Variants in ADCY2 observed in about 807,000 individuals in gnomAD.
The protein encoded by ADCY2 is adenylate cyclase type 2.
In ADCY2, 31 loss-of-function variants were observed where a neutral mutation model predicts 125.2. The ratio of observed to expected loss-of-function variants is 0.25; its 90% CI spans 0.19 to 0.33. The LOEUF is 0.33. Among genes scored for constraint, ADCY2 ranks in the 10% least tolerant of loss-of-function variants. The pLI is 1.00. For synonymous variants in ADCY2, 512 were observed against 548.4 expected (o/e 0.93, Z 0.93); for missense variants, 904 against 1,418.2 (o/e 0.64, Z 5.82).
At chr5:7,407,490 C>A (rs777229974) in intron 1 of ADCY2, among the ~76,000 whole-genome samples, 8 of 151,774 alleles carry the variant, frequency 5.3e-5, no homozygotes, top group African/African-American at 9.7e-5. Flanking sequence ...AGAGAGAGAG[C>A]GAGCAATGGG....
At chr5:7,759,069 G>C (rs1255181833) in intron 16 of ADCY2, among the ~76,000 whole-genome samples, 1 of 152,196 alleles carries the variant, frequency 6.6e-6, no homozygotes. Flanking sequence ...CCATCGCTTT[G>C]TGTAGCCTGG....
chr5:7,466,415 C>T (rs1372236376), intron 2 of ADCY2, among the ~76,000 whole-genome samples: 1 of 152,188 alleles, frequency 6.6e-6, no homozygotes. Flanking sequence ...ATTTCAGCAG[C>T]TCTAGTGAGA....
At chr5:7,764,412 G>C (rs1212218860) in intron 16 of ADCY2, among the ~76,000 whole-genome samples, 1 of 152,120 alleles carries the variant, frequency 6.6e-6, no homozygotes, top group Non-Finnish European at 1.5e-5. Context: ...ATATAAATCT[G>C]TGAGCCACCC....
chr5:7,621,478 T>G (rs1737951159), intron 3 of ADCY2, among the ~76,000 whole-genome samples: 1 of 152,190 alleles, frequency 6.6e-6, no homozygotes, highest in Non-Finnish European at 1.5e-5. Flanking sequence ...TCTGACTGTA[T>G]GCGTATGAAT....
chr5:7,743,342 C>T (rs980691280), intron 14 of ADCY2, among the ~76,000 whole-genome samples: 17 of 151,796 alleles, frequency 1.1e-4, no homozygotes, highest in African/African-American at 3.9e-4. Context: ...AAGAGGCCAC[C>T]GAGATGGGGG....
At chr5:7,686,392 G>A (rs1740522295) in intron 4 of ADCY2, among the ~76,000 whole-genome samples, 1 of 152,136 alleles carries the variant, frequency 6.6e-6, no homozygotes, top group Non-Finnish European at 1.5e-5. Context: ...AAAAGAACAA[G>A]TTCTAAGAAA....
chr5:7,540,261 C>T (rs957862497), intron 3 of ADCY2, among the ~76,000 whole-genome samples: 7 of 151,232 alleles, frequency 4.6e-5, no homozygotes, highest in Admixed American at 3.3e-4. Flanking sequence ...ATCTGCACAA[C>T]AAACCCGCAT....
At chr5:7,506,789 C>CTTTTTT (rs70940743) in intron 2 of ADCY2, among the ~76,000 whole-genome samples, 735 of 55,076 alleles carry the variant, frequency 0.013, 112 homozygotes, top group Non-Finnish European at 0.02. Context: ...ATGCGTTGCT[C>CTTTTTT]TTTTTTTTTT....
chr5:7,524,856 A>G (rs1437212043), intron 3 of ADCY2, among the ~76,000 whole-genome samples: 1 of 152,126 alleles, frequency 6.6e-6, no homozygotes, highest in Non-Finnish European at 1.5e-5. Context: ...TTTCCTCTTT[A>G]TAATTAAGAC....
chr5:7,741,858 CATCCCTATCAATATCACCATCACT>C (rs1560931992), intron 14 of ADCY2, among the ~76,000 whole-genome samples: 1 of 151,914 alleles, frequency 6.6e-6, no homozygotes, highest in Non-Finnish European at 1.5e-5. Flanking sequence ...TCACCATCAC[CATCCCTATCAATATCACCATCACT>C]ATCCCTGTCA....
At chr5:7,812,091 A>G (rs192641784) in intron 22 of ADCY2, among the ~76,000 whole-genome samples, 33 of 152,280 alleles carry the variant, frequency 2.2e-4, no homozygotes, top group Admixed American at 1.9e-3. Flanking sequence ...CCAGAGAGGA[A>G]GCTAGGAGTC....
intron 4 of ADCY2, among the ~76,000 whole-genome samples, chr5:7,673,265 A>AT (rs1579301434): frequency 2.5e-4 from 1 of 3,976 alleles, no homozygotes; most frequent in Non-Finnish European, 6.8e-4. Context: ...AAAAAAAAAA[A>AT]AAAAATATAT....
At chr5:7,587,344 T>C (rs1343073783) in intron 3 of ADCY2, among the ~76,000 whole-genome samples, 1 of 152,230 alleles carries the variant, frequency 6.6e-6, no homozygotes, top group Non-Finnish European at 1.5e-5. Flanking sequence ...GTCATGAGTT[T>C]GATCTATTTA....
At chr5:7,788,808 A>G (rs1744163167) in intron 19 of ADCY2, among the ~76,000 whole-genome samples, 1 of 152,196 alleles carries the variant, frequency 6.6e-6, no homozygotes, top group Non-Finnish European at 1.5e-5. Flanking sequence ...TTATTTGTCA[A>G]TAAGTGACTA....
intron 2 of ADCY2, among the ~76,000 whole-genome samples, chr5:7,421,175 C>T (rs1186850031): frequency 1.3e-5 from 2 of 152,162 alleles, no homozygotes; most frequent in African/African-American, 4.8e-5. Context: ...AGTCATTTGT[C>T]CCATGGGTAG....
At chr5:7,540,443 A>G (rs948448782) in intron 3 of ADCY2, among the ~76,000 whole-genome samples, 2 of 152,278 alleles carry the variant, frequency 1.3e-5, no homozygotes, top group African/African-American at 4.8e-5. Context: ...TAAGATTTTT[A>G]TCCTTTTTCC....
At chr5:7,637,282 C>A (rs1315561873) in intron 4 of ADCY2, among the ~76,000 whole-genome samples, 1 of 151,740 alleles carries the variant, frequency 6.6e-6, no homozygotes, top group Non-Finnish European at 1.5e-5. Context: ...CCAGCCTGGC[C>A]AAAATGGCGA....
At chr5:7,618,888 A>G (rs993483567) in intron 3 of ADCY2, among the ~76,000 whole-genome samples, 3 of 152,280 alleles carry the variant, frequency 2.0e-5, no homozygotes, top group Middle Eastern at 3.4e-3. Context: ...GTATAATTTT[A>G]TGTTTCTAAG....
chr5:7,690,507 A>T lies in ADCY2; in HGVS notation c.721-184A>T, dbSNP rs913507846. The stretch of plus-strand genomic sequence containing the variant: ...GCAATAAATAATAAATAATATAATG[A>T]TACAGTCCGACCTTAGAAAATCTCT... On this transcript the variant is annotated intron_variant, in intron 4 of 24. Transcript: ENST00000338316. 40 of 416,384 alleles carry T rather than the reference A, an allele frequency of 9.6e-5. No homozygotes were observed. In the Middle Eastern group the frequency reaches 1.9e-3, roughly 20 times the overall value. 25.8% of individuals were successfully genotyped at this position (416,384 alleles called of 1,614,324 possible).
Sources: allele counts gnomAD v4.1 joint callset (sites outside exome capture counted in the v4.1 genomes callset), GRCh38; gene constraint gnomAD v4.1.1; transcripts MANE v1.5; gene names NCBI Gene and HGNC (gene_info 2026-07-23, HGNC 2026-07-21).